ZSWIM5: variants seen among roughly 807,000 people sequenced by gnomAD.
ZSWIM5 encodes the protein zinc finger SWIM-type containing 5.
Under a neutral mutation model 119.6 loss-of-function variants are expected in ZSWIM5, and 55 were observed. The observed-to-expected ratio is 0.46, with a 90% CI of 0.37 to 0.58. ZSWIM5 has a LOEUF of 0.58. ZSWIM5 is among the 20% of genes least tolerant of loss of function. The pLI, the probability that ZSWIM5 is intolerant of heterozygous loss-of-function variation, is 0.00. For synonymous variants in ZSWIM5, 537 were observed against 606.9 expected, an observed-to-expected ratio of 0.88 and a Z score of 1.69; for missense variants, 1,193 against 1,512.8, an observed-to-expected ratio of 0.79 and a Z score of 3.51.
At chr1:45,045,564 G>GCTTC (rs1483373905) in intron 5 of ZSWIM5, among the ~76,000 whole-genome samples, 1 of 152,130 alleles carries the variant, frequency 6.6e-6, no homozygotes, top group East Asian at 1.9e-4. Context: ...TACTGAAATT[G>GCTTC]CTTCTCCTTC....
intron 1 of ZSWIM5, among the ~76,000 whole-genome samples, chr1:45,109,130 A>G (rs1222960370): frequency 1.3e-5 from 2 of 152,206 alleles, no homozygotes; most frequent in Non-Finnish European, 2.9e-5. Flanking sequence ...TTCAGTTAGG[A>G]CAATGCTTAT....
rs77841883 is a variant in ZSWIM5 at position 45,086,644 on chromosome 1, G to A, written c.952+1237C>T. Among the ~76,000 whole-genome samples the A allele has an allele frequency of 6.9e-3, 1,048 of 152,168 alleles. 10 individuals carry two copies. Among genetic ancestry groups the A allele is most frequent in the African/African-American group, 0.022 (921 of 41,512 alleles). On this transcript the variant is annotated intron_variant, in intron 2 of 13. Coordinates refer to ENST00000359600, the MANE Select transcript of ZSWIM5 (RefSeq NM_020883.2). Reference sequence around the variant, plus strand: ...CCCGGGGGCTGTCGCGGGGTGGAGGGCAGGGGAAGGATAGCATTAGGAGAA... The same window carrying A: ...CCCGGGGGCTGTCGCGGGGTGGAGGACAGGGGAAGGATAGCATTAGGAGAA...
intron 1 of ZSWIM5, among the ~76,000 whole-genome samples, chr1:45,100,406 A>G (rs1475480307): frequency 2.0e-5 from 3 of 152,256 alleles, no homozygotes; most frequent in African/African-American, 7.2e-5. Flanking sequence ...AAGAGGACAC[A>G]AACAAATGGA....
intron 1 of ZSWIM5, among the ~76,000 whole-genome samples, chr1:45,161,125 A>G (rs1309375139): frequency 6.6e-6 from 1 of 151,742 alleles, no homozygotes; most frequent in African/African-American, 2.4e-5. Context: ...TGCCTGGCCT[A>G]TATACCACAT....
chr1:45,126,664 A>G (rs1645623786), intron 1 of ZSWIM5, among the ~76,000 whole-genome samples: 1 of 152,128 alleles, frequency 6.6e-6, no homozygotes, highest in Non-Finnish European at 1.5e-5. Context: ...GCACTTAGAG[A>G]GGCAGAAGCA....
intron 11 of ZSWIM5, among the ~76,000 whole-genome samples, chr1:45,021,541 G>T (rs559285706): frequency 3.9e-4 from 60 of 152,272 alleles, no homozygotes; most frequent in African/African-American, 1.4e-3. Flanking sequence ...CTGGATGAAG[G>T]CAGTAGTGTA....
chr1:45,189,065 G>T (rs1260623169), intron 1 of ZSWIM5, among the ~76,000 whole-genome samples: 1 of 152,166 alleles, frequency 6.6e-6, no homozygotes, highest in Non-Finnish European at 1.5e-5. Flanking sequence ...TGTAATCCCA[G>T]AAATTTTGAG....
intron 1 of ZSWIM5, among the ~76,000 whole-genome samples, chr1:45,137,733 A>C: frequency 6.6e-6 from 1 of 152,220 alleles, no homozygotes; most frequent in Non-Finnish European, 1.5e-5. Context: ...CTAGTGGGAC[A>C]GTAAAAGAGA....
At chr1:45,020,815 G>A in intron 11 of ZSWIM5, 27 bp from the exon 12 acceptor site, 1 of 1,606,428 alleles carries the variant, frequency 6.2e-7, no homozygotes, top group Non-Finnish European at 8.5e-7. Flanking sequence ...AAGGGGCAGG[G>A]TCTATTTTAA....
chr1:45,065,406 C>T (rs1416761436), intron 2 of ZSWIM5, among the ~76,000 whole-genome samples: 2 of 152,148 alleles, frequency 1.3e-5, no homozygotes, highest in African/African-American at 4.8e-5. Context: ...TGTGGACTGA[C>T]ACCCTCTCCT....
chr1:45,043,893 G>A (rs1645031504), intron 5 of ZSWIM5, among the ~76,000 whole-genome samples: 1 of 152,140 alleles, frequency 6.6e-6, no homozygotes, highest in Non-Finnish European at 1.5e-5. Context: ...ATTAAGAGTT[G>A]AAATAGAGCT....
intron 2 of ZSWIM5, among the ~76,000 whole-genome samples, chr1:45,080,632 T>C (rs2149008359): frequency 6.6e-6 from 1 of 152,310 alleles, no homozygotes; most frequent in Non-Finnish European, 1.5e-5. Flanking sequence ...GTGGGTACTT[T>C]TTTTGTGTGT....
At chr1:45,159,339 A>T (rs1645849281) in intron 1 of ZSWIM5, among the ~76,000 whole-genome samples, 1 of 152,162 alleles carries the variant, frequency 6.6e-6, no homozygotes, top group Non-Finnish European at 1.5e-5. Context: ...CAAGTTAATT[A>T]GCTCTTCTAA....
At chr1:45,089,832 G>A (rs919263709) in intron 1 of ZSWIM5, among the ~76,000 whole-genome samples, 5 of 152,036 alleles carry the variant, frequency 3.3e-5, no homozygotes, top group African/African-American at 4.8e-5. Context: ...AAAAGTAGCC[G>A]GTATGGTGGC....
At chr1:45,205,646 G>T (rs1646183324) in intron 1 of ZSWIM5, 110 bp downstream of exon 1, 1 of 1,196,382 alleles carries the variant, frequency 8.4e-7, no homozygotes, top group African/African-American at 1.6e-5. Flanking sequence ...TTCGGCAGGG[G>T]TACAGGAGTT....
At chr1:45,044,490 G>A (rs1645035960) in intron 5 of ZSWIM5, among the ~76,000 whole-genome samples, 1 of 150,620 alleles carries the variant, frequency 6.6e-6, no homozygotes, top group African/African-American at 2.4e-5. Flanking sequence ...TTGGGAGGCT[G>A]AGGTGGGCGG....
At chr1:45,142,509 G>T (rs1645733739) in intron 1 of ZSWIM5, among the ~76,000 whole-genome samples, 1 of 151,964 alleles carries the variant, frequency 6.6e-6, no homozygotes, top group Non-Finnish European at 1.5e-5. Context: ...ATGCCACCAT[G>T]CCTGGCTAAT....
chr1:45,115,272 G>A (rs1205391130), intron 1 of ZSWIM5, among the ~76,000 whole-genome samples: 6 of 151,180 alleles, frequency 4.0e-5, no homozygotes, highest in African/African-American at 9.7e-5. Flanking sequence ...GGGCGGGGGC[G>A]GGGGCTGCCC....
At chr1:45,023,259 G>C (rs1644899000) in intron 11 of ZSWIM5, among the ~76,000 whole-genome samples, 1 of 152,034 alleles carries the variant, frequency 6.6e-6, no homozygotes, top group Non-Finnish European at 1.5e-5. Flanking sequence ...TTCCCTCTAA[G>C]TCCCTGGCAA....
Sources: allele counts gnomAD v4.1 joint callset (sites outside exome capture counted in the v4.1 genomes callset), GRCh38; gene constraint gnomAD v4.1.1; transcripts MANE v1.5; gene names NCBI Gene and HGNC (gene_info 2026-07-23, HGNC 2026-07-21).